The following BACH2 variants were observed in gnomAD, a reference collection of about 807,000 sequenced individuals.
The protein encoded by BACH2 is BACH transcriptional regulator 2, also known as transcription regulator protein BACH2.
Under a neutral mutation model 61.8 loss-of-function variants are expected in BACH2, and 5 were observed. The observed-to-expected ratio is 0.08, with a 90% CI of 0.04 to 0.17. The LOEUF (loss-of-function observed/expected upper bound fraction) is 0.17, where lower values mean the gene tolerates loss of function less well. Among genes scored for constraint, BACH2 ranks in the 10% least tolerant of loss-of-function variants. The pLI is 1.00. For synonymous variants in BACH2, 446 were observed against 440.1 expected (o/e 1.01, Z -0.17); for missense variants, 824 against 1,091.1 (o/e 0.76, Z 3.45).
intron 1 of BACH2, among the ~76,000 whole-genome samples, chr6:90,292,503 C>A (rs1385438566): frequency 6.6e-6 from 1 of 152,216 alleles, no homozygotes; most frequent in Non-Finnish European, 1.5e-5. Flanking sequence ...TCACACTGTA[C>A]TCATGGTATT....
chr6:90,079,431 C>G (rs569773397), intron 5 of BACH2, among the ~76,000 whole-genome samples: 1 of 152,264 alleles, frequency 6.6e-6, no homozygotes, highest in South Asian at 2.1e-4. Flanking sequence ...TCAAATAAGG[C>G]AATTCCTTTT....
chr6:90,036,630 A>C (rs1779277055), intron 5 of BACH2, among the ~76,000 whole-genome samples: 1 of 152,210 alleles, frequency 6.6e-6, no homozygotes, highest in Non-Finnish European at 1.5e-5. Flanking sequence ...AGCATATCAA[A>C]GTAAACTGCA....
intron 3 of BACH2, among the ~76,000 whole-genome samples, chr6:90,240,699 T>C (rs1265472282): frequency 6.6e-6 from 1 of 152,194 alleles, no homozygotes; most frequent in Non-Finnish European, 1.5e-5. Context: ...ATCCTCAACA[T>C]GTAGACTGTC....
At chr6:90,051,628 C>T (rs1237021272) in intron 5 of BACH2, among the ~76,000 whole-genome samples, 1 of 152,158 alleles carries the variant, frequency 6.6e-6, no homozygotes, top group Non-Finnish European at 1.5e-5. Flanking sequence ...TCTGTTGATA[C>T]CCTACATAGT....
At chr6:90,085,180 G>T (rs1413693758) in intron 5 of BACH2, among the ~76,000 whole-genome samples, 4 of 152,176 alleles carry the variant, frequency 2.6e-5, no homozygotes, top group South Asian at 2.1e-4. Flanking sequence ...GGTGATGGGG[G>T]ATAAATCTTG....
chr6:90,052,197 G>A (rs546569906), intron 5 of BACH2, among the ~76,000 whole-genome samples: 5 of 152,092 alleles, frequency 3.3e-5, no homozygotes, highest in Non-Finnish European at 7.4e-5. Flanking sequence ...CTATTCAGTT[G>A]TACTGCTTCA....
At chr6:90,025,132 T>A (rs1334097743) in intron 5 of BACH2, among the ~76,000 whole-genome samples, 2 of 152,182 alleles carry the variant, frequency 1.3e-5, no homozygotes, top group Non-Finnish European at 2.9e-5. Context: ...AGGGAGCCCA[T>A]GTCAGGCCAT....
At chr6:90,178,024 G>A (rs967755310) in intron 4 of BACH2, among the ~76,000 whole-genome samples, 1 of 152,120 alleles carries the variant, frequency 6.6e-6, no homozygotes, top group African/African-American at 2.4e-5. Flanking sequence ...AAGTGCTGTA[G>A]ACCAAAATAG....
chr6:90,185,070 T>C (rs890756202), intron 4 of BACH2, among the ~76,000 whole-genome samples: 4 of 152,182 alleles, frequency 2.6e-5, no homozygotes, highest in Non-Finnish European at 5.9e-5. Context: ...CCAAAACCCA[T>C]GCGTGGCTGC....
intron 1 of BACH2, among the ~76,000 whole-genome samples, chr6:90,283,622 G>A (rs535560695): frequency 3.1e-4 from 47 of 152,076 alleles, no homozygotes; most frequent in Non-Finnish European, 6.0e-4. Context: ...TGATCCACCC[G>A]CCTCGACCTC....
intron 5 of BACH2, among the ~76,000 whole-genome samples, chr6:90,024,850 A>G (rs1778553035): frequency 6.6e-6 from 1 of 152,226 alleles, no homozygotes. Flanking sequence ...AATGGAACAC[A>G]GTGCCCATCA....
chr6:90,187,339 T>C (rs1302038546), intron 4 of BACH2, among the ~76,000 whole-genome samples: 1 of 152,240 alleles, frequency 6.6e-6, no homozygotes, highest in Non-Finnish European at 1.5e-5. Context: ...GTGAGTGAGA[T>C]GCATACTTCT....
intron 5 of BACH2, among the ~76,000 whole-genome samples, chr6:90,047,123 T>G (rs1779820025): frequency 6.6e-6 from 1 of 152,248 alleles, no homozygotes; most frequent in Non-Finnish European, 1.5e-5. Flanking sequence ...GGTTTCACCA[T>G]GTTGGCCAGG....
intron 5 of BACH2, among the ~76,000 whole-genome samples, chr6:90,037,675 G>C (rs1260163257): frequency 1.3e-5 from 2 of 152,152 alleles, no homozygotes; most frequent in Non-Finnish European, 2.9e-5. Flanking sequence ...CCCTGTTGTG[G>C]ATTGAATCAC....
intron 6 of BACH2, among the ~76,000 whole-genome samples, chr6:89,983,889 T>C (rs1047305629): frequency 9.2e-5 from 14 of 152,212 alleles, no homozygotes; most frequent in Non-Finnish European, 1.5e-4. Flanking sequence ...TATACAGTTA[T>C]AGGGGATAAC....
chr6:89,972,434 G>A (rs1044178268), intron 6 of BACH2, among the ~76,000 whole-genome samples: 1 of 152,098 alleles, frequency 6.6e-6, no homozygotes, highest in African/African-American at 2.4e-5. Context: ...GACTGAGAAC[G>A]ACTAAAAAAA....
At chr6:90,065,471 G>A (rs184028504) in intron 5 of BACH2, among the ~76,000 whole-genome samples, 1 of 152,000 alleles carries the variant, frequency 6.6e-6, no homozygotes. Context: ...AGGCCTGTGG[G>A]CCATATGATC....
intron 1 of BACH2, among the ~76,000 whole-genome samples, chr6:90,295,436 A>G (rs1772313572): frequency 6.6e-6 from 1 of 151,884 alleles, no homozygotes; most frequent in South Asian, 2.1e-4. Flanking sequence ...GAGGTCGCCG[A>G]GATGCTCGCT....
chr6:90,252,000 T>C (rs1423544225), intron 3 of BACH2, among the ~76,000 whole-genome samples: 1 of 151,932 alleles, frequency 6.6e-6, no homozygotes, highest in Admixed American at 6.5e-5. Context: ...GAAAACAAAA[T>C]TTTTTTTAGA....
Sources: gnomAD v4.1 joint callset for allele counts (sites outside exome capture counted in the v4.1 genomes callset) on GRCh38, gnomAD v4.1.1 for gene constraint, MANE v1.5 for transcripts, NCBI Gene and HGNC (gene_info 2026-07-23, HGNC 2026-07-21) for gene names.